SCFD2: variants seen among roughly 807,000 people sequenced by gnomAD.
The protein encoded by SCFD2 is sec1 family domain containing 2.
In SCFD2, 54 loss-of-function variants were observed where a neutral mutation model predicts 58.9. The observed-to-expected ratio is 0.92, with a 90% CI of 0.74 to 1.15. The LOEUF is 1.15. Ranked by LOEUF, SCFD2 falls within the 50% of genes most tolerant of loss-of-function variation. SCFD2 has a pLI of 0.00. For synonymous variants in SCFD2, 321 were observed against 335.9 expected (o/e 0.96, Z 0.49); for missense variants, 805 against 836.6 (o/e 0.96, Z 0.47).
chr4:53,044,516 TCCTC>T (rs752562281), intron 5 of SCFD2, among the ~76,000 whole-genome samples: 2 of 147,512 alleles, frequency 1.4e-5, no homozygotes, highest in African/African-American at 2.6e-5. Flanking sequence ...CTTCCTTCCT[TCCTC>T]CCTCCCTCTC....
chr4:53,050,068 C>T (rs1354075344), intron 5 of SCFD2, among the ~76,000 whole-genome samples: 4 of 152,072 alleles, frequency 2.6e-5, no homozygotes, highest in African/African-American at 9.7e-5. Flanking sequence ...CGCAAACACT[C>T]GAATGTCACA....
intron 2 of SCFD2, 143 bp downstream of exon 2, chr4:53,352,455 T>A (rs1398872553): frequency 1.6e-5 from 9 of 553,854 alleles, no homozygotes; most frequent in Middle Eastern, 5.0e-4. Flanking sequence ...TAAGAAAAAA[T>A]GCTTTTTGCT....
At chr4:53,326,276 G>A (rs1358688123) in intron 2 of SCFD2, among the ~76,000 whole-genome samples, 2 of 152,028 alleles carry the variant, frequency 1.3e-5, no homozygotes, top group Non-Finnish European at 2.9e-5. Flanking sequence ...CTGAATACCT[G>A]GGACAACAGG....
intron 2 of SCFD2, among the ~76,000 whole-genome samples, chr4:53,345,126 G>A (rs1309509085): frequency 2.0e-5 from 3 of 152,140 alleles, no homozygotes; most frequent in South Asian, 2.1e-4. Flanking sequence ...AAGAGCTTCT[G>A]CACAGCAAAA....
intron 5 of SCFD2, among the ~76,000 whole-genome samples, chr4:53,082,788 C>T (rs956383336): frequency 9.2e-5 from 14 of 152,232 alleles, no homozygotes; most frequent in African/African-American, 3.4e-4. Flanking sequence ...CATCAGTGCT[C>T]CTGATTCTCA....
rs1734698386 is a variant in SCFD2 at position 53,366,042 on chromosome 4, A to G, written c.-101T>C. ...TCCGGGAGACTTTGACAGTCTCCAC[A>G]GTACACGTGGTCGGCCTCTGACACG... is the stretch of plus-strand genomic sequence containing the variant. On this transcript the variant is annotated 5_prime_UTR_variant, in exon 1 of 9. Transcript: ENST00000401642. The G allele has an allele frequency of 1.8e-5, 24 of 1,362,860 alleles. No individual in the cohort carries two copies. The highest frequency in any genetic ancestry group is 2.3e-5 in the East Asian group (1 of 43,022). The allele number at this position is 1,362,860 out of a possible 1,614,324, so 84.4% of individuals were successfully genotyped here.
At chr4:53,177,902 T>A (rs527764280) in intron 4 of SCFD2, among the ~76,000 whole-genome samples, 1 of 152,186 alleles carries the variant, frequency 6.6e-6, no homozygotes, top group Admixed American at 6.5e-5. Context: ...GTCTCACTCA[T>A]TTCTAGCACA....
At chr4:52,891,634 C>T (rs375076895) in intron 7 of SCFD2, among the ~76,000 whole-genome samples, 13 of 152,198 alleles carry the variant, frequency 8.5e-5, no homozygotes, top group East Asian at 5.8e-4. Context: ...ATTCTTCAAA[C>T]GAAAAGCATT....
At position 53,214,355 on chromosome 4, in the gene SCFD2, T is replaced by G. The variant is rs1577849925; in HGVS notation, c.1311+59471A>C. Among the ~76,000 whole-genome samples the G allele has an allele frequency of 2.6e-5, 4 of 152,242 alleles. No individual in the cohort carries two copies. In the South Asian group the frequency reaches 8.3e-4, roughly 32 times the overall value. ...TTTTGATGATCGCCATTCTAACTGG[T>G]GTGAGATGGTATCTCATTGTGATTT... On this transcript the variant is annotated intron_variant, in intron 4 of 8. Coordinates refer to ENST00000401642, the MANE Select transcript of SCFD2 (RefSeq NM_152540.4).
intron 5 of SCFD2, among the ~76,000 whole-genome samples, chr4:53,037,975 C>T (rs1383679202): frequency 1.3e-4 from 20 of 152,102 alleles, no homozygotes; most frequent in Admixed American, 1.2e-3. Flanking sequence ...TGGAACATGA[C>T]ACTTCATTGC....
At chr4:53,343,054 G>A (rs6824299) in intron 2 of SCFD2, among the ~76,000 whole-genome samples, 68,208 of 151,302 alleles carry the variant, frequency 0.45, 17,012 homozygotes, top group Non-Finnish European at 0.55. Flanking sequence ...AAGAACTAGA[G>A]AAGCAAGAGC....
intron 4 of SCFD2, among the ~76,000 whole-genome samples, chr4:53,178,525 T>A (rs867291022): frequency 6.6e-6 from 1 of 151,684 alleles, no homozygotes. Flanking sequence ...AGGCCAAAGG[T>A]AGATAAAACC....
At chr4:53,210,240 A>G (rs1300926013) in intron 4 of SCFD2, among the ~76,000 whole-genome samples, 8 of 152,036 alleles carry the variant, frequency 5.3e-5, no homozygotes, top group Non-Finnish European at 1.2e-4. Context: ...GGGGTGGGAA[A>G]AGGGGCAGGC....
intron 3 of SCFD2, among the ~76,000 whole-genome samples, chr4:53,285,298 C>T (rs1478316075): frequency 6.6e-6 from 1 of 152,028 alleles, no homozygotes; most frequent in African/African-American, 2.4e-5. Flanking sequence ...GGTAGATTGC[C>T]TCTGTTATCC....
chr4:53,254,037 A>T (rs559268292), intron 4 of SCFD2, among the ~76,000 whole-genome samples: 9 of 152,274 alleles, frequency 5.9e-5, no homozygotes, highest in African/African-American at 1.7e-4. Flanking sequence ...GTTAGAGCTA[A>T]GTGATGAGAA....
chr4:53,310,284 A>C (rs908787725), intron 3 of SCFD2, among the ~76,000 whole-genome samples: 4 of 152,240 alleles, frequency 2.6e-5, no homozygotes, highest in African/African-American at 9.6e-5. Context: ...CAGTATCATA[A>C]AGATATCTGT....
At chr4:53,235,803 G>A (rs1729586610) in intron 4 of SCFD2, among the ~76,000 whole-genome samples, 1 of 152,116 alleles carries the variant, frequency 6.6e-6, no homozygotes, top group Non-Finnish European at 1.5e-5. Context: ...ATACGTGTGT[G>A]CATACATACG....
At chr4:52,959,654 G>A (rs551286532) in intron 5 of SCFD2, among the ~76,000 whole-genome samples, 11 of 152,108 alleles carry the variant, frequency 7.2e-5, no homozygotes, top group South Asian at 4.1e-4. Context: ...CTTCGTATAC[G>A]ACACAGGCAC....
At chr4:53,334,590 G>A (rs1319230282) in intron 2 of SCFD2, among the ~76,000 whole-genome samples, 8 of 148,442 alleles carry the variant, frequency 5.4e-5, no homozygotes, top group Non-Finnish European at 1.2e-4. Flanking sequence ...ATCACACTCT[G>A]GGGACTGTGG....
Sources: gnomAD v4.1 joint callset for allele counts (sites outside exome capture counted in the v4.1 genomes callset) on GRCh38, gnomAD v4.1.1 for gene constraint, MANE v1.5 for transcripts, NCBI Gene and HGNC (gene_info 2026-07-23, HGNC 2026-07-21) for gene names.